The following PTGER4 variants were observed in gnomAD, a reference collection of about 807,000 sequenced individuals.
PTGER4 encodes the protein prostaglandin E2 receptor EP4 subtype.
Under a neutral mutation model 33.2 loss-of-function variants are expected in PTGER4, and 11 were observed. The observed-to-expected ratio is 0.33, with a 90% CI of 0.21 to 0.55. The LOEUF (loss-of-function observed/expected upper bound fraction) is 0.55, where lower values mean the gene tolerates loss of function less well. PTGER4 is among the 20% of genes least tolerant of loss of function. The pLI is 0.92. For synonymous variants in PTGER4, 275 were observed against 281.5 expected (o/e 0.98, Z 0.23); for missense variants, 481 against 650.2 (o/e 0.74, Z 2.83).
the PTGER4 span, chr5:40,716,433 G>A: frequency 1.2e-6 from 2 of 1,613,758 alleles, no homozygotes; most frequent in Non-Finnish European, 8.5e-7. Flanking sequence ...CCCAAGAGAG[G>A]TCTTCTTTCC....
the PTGER4 span, among the ~76,000 whole-genome samples, chr5:40,718,731 C>G: frequency 2.0e-5 from 3 of 151,046 alleles, no homozygotes; most frequent in South Asian, 6.3e-4. Context: ...GAGCAAGATT[C>G]CGTCTCGAAA....
downstream of PTGER4, among the ~76,000 whole-genome samples, chr5:40,697,256 AAGAAAG>A (rs1741629673): frequency 1.0e-5 from 1 of 98,386 alleles, no homozygotes; most frequent in Admixed American, 1.2e-4. Flanking sequence ...GAAAGAAAGA[AAGAAAG>A]AAAGAAAGAA....
the PTGER4 span, among the ~76,000 whole-genome samples, chr5:40,709,418 G>T: frequency 6.6e-6 from 1 of 152,146 alleles, no homozygotes; most frequent in South Asian, 2.1e-4. Flanking sequence ...AATCATGAGT[G>T]AACTCCCATT....
Position 40,692,457 on chromosome 5 carries a change from G to C in PTGER4, c.*79G>C. Reference sequence around the variant, plus strand: ...AATAGACACATACATGTCACATTTAGCTGTGCTCAGAAGGGCTATCATCAT... The same window carrying C: ...AATAGACACATACATGTCACATTTACCTGTGCTCAGAAGGGCTATCATCAT... On this transcript the variant is annotated 3_prime_UTR_variant, in exon 3 of 3. Transcript: ENST00000302472. 1 of 1,502,548 alleles carries C rather than the reference G, an allele frequency of 6.7e-7. No individual in the cohort carries two copies. The highest frequency in any genetic ancestry group is 8.8e-7 in the Non-Finnish European group (1 of 1,132,370). 93.1% of individuals were successfully genotyped at this position (1,502,548 alleles called of 1,614,324 possible).
At position 40,683,456 on chromosome 5, in the gene PTGER4, A is replaced by AGG. The variant is rs1741247318; in HGVS notation, c.867+1596_867+1597insGG. On this transcript the variant is annotated intron_variant, in intron 2 of 2. Transcript: ENST00000302472. This position sits in a 1 kb window ranked among gnomAD's most constrained non-coding sequence, Gnocchi z 4.2. ...TAATGGCAACCTAGAATAAAGTGAG[A>AGG]TTTTGGAAGAAACAACACTGCTCCT... Among the ~76,000 whole-genome samples, 1 of 152,208 alleles carries AGG rather than the reference A, an allele frequency of 6.6e-6. No homozygotes were observed. Among genetic ancestry groups the AGG allele is most frequent in the African/African-American group, 2.4e-5 (1 of 41,450 alleles).
the PTGER4 span, among the ~76,000 whole-genome samples, chr5:40,722,673 C>T: frequency 0.015 from 2,321 of 152,050 alleles, 65 homozygotes; most frequent in African/African-American, 0.053. Flanking sequence ...CGCCCCACAG[C>T]CGCCCAGTCT....
intron 2 of PTGER4, among the ~76,000 whole-genome samples, chr5:40,686,396 T>C (rs755041974): frequency 2.0e-5 from 3 of 152,212 alleles, no homozygotes; most frequent in Non-Finnish European, 4.4e-5. Context: ...CAAAGCTACC[T>C]CTAAGCTACA....
At chr5:40,724,971 T>G in the PTGER4 span, among the ~76,000 whole-genome samples, 1 of 151,196 alleles carries the variant, frequency 6.6e-6, no homozygotes, top group African/African-American at 2.4e-5. Flanking sequence ...TCCTGCCTCC[T>G]GAGTAGCTGG....
chr5:40,739,289 C>T, the PTGER4 span, among the ~76,000 whole-genome samples: 5 of 152,180 alleles, frequency 3.3e-5, no homozygotes, highest in African/African-American at 1.2e-4. Flanking sequence ...ATCTCAAACG[C>T]AAGCTTGCTG....
chr5:40,716,068 C>G, the PTGER4 span: 1 of 1,241,766 alleles, frequency 8.1e-7, no homozygotes, highest in African/African-American at 1.5e-5. Flanking sequence ...CTATCTATCT[C>G]CAGAGTAAAT....
chr5:40,706,467 C>A, the PTGER4 span, among the ~76,000 whole-genome samples: 1 of 151,890 alleles, frequency 6.6e-6, no homozygotes, highest in Non-Finnish European at 1.5e-5. Flanking sequence ...ACATGTACCC[C>A]AAACCTAAAA....
rs765195189 is a variant in PTGER4 at position 40,681,397 on chromosome 5, T to G, written c.404T>G (p.Leu135Trp). The change falls in exon 2 of 3, where the codon TTG becomes TGG. Residue 135 changes from leucine (L) to tryptophan (W), a missense_variant. By Grantham distance (61) the Leu-to-Trp change is moderately conservative (BLOSUM62 -2). Transcript: ENST00000302472. This position sits in a 1 kb window ranked among gnomAD's most constrained non-coding sequence, Gnocchi z 9.8. ...TACAGCCACTACGTGGACAAGCGAT[T>G]GGCGGGCCTCACGCTCTTTGCAGTC... ...YFYSHYVDKR[L>W]AGLTLFAVYA... 8 of 1,614,118 alleles carry G rather than the reference T, an allele frequency of 5.0e-6. No individual in the cohort carries two copies. Among genetic ancestry groups the G allele is most frequent in the Non-Finnish European group, 6.8e-6 (8 of 1,180,040 alleles).
At chr5:40,739,470 G>T in the PTGER4 span, among the ~76,000 whole-genome samples, 2 of 152,260 alleles carry the variant, frequency 1.3e-5, no homozygotes, top group African/African-American at 4.8e-5. Flanking sequence ...TCTGGTGGGA[G>T]GTGATTGGAT....
the PTGER4 span, among the ~76,000 whole-genome samples, chr5:40,711,325 C>A: frequency 1.3e-5 from 2 of 152,078 alleles, no homozygotes; most frequent in East Asian, 1.9e-4. Context: ...ATTAAAACCA[C>A]AATGAAATAC....
chr5:40,691,862 T>C lies in PTGER4; in HGVS notation c.951T>C (p.Ile317=). The change falls in exon 3 of 3, where the codon ATT becomes ATC. Residue 317 remains isoleucine, a synonymous_variant. Coordinates refer to ENST00000302472, the MANE Select transcript of PTGER4 (RefSeq NM_000958.3). This position sits in a 1 kb window ranked among gnomAD's most constrained non-coding sequence, Gnocchi z 4.2. ...ATCCAGATTTGCAGGCCATCCGAAT[T>C]GCTTCTGTGAACCCCATCCTAGACC... ...SKNPDLQAIR[I]ASVNPILDPW... The C allele has an allele frequency of 6.2e-7, 1 of 1,614,234 alleles. No individual in the cohort carries two copies. The highest frequency in any genetic ancestry group is 2.2e-5 in the East Asian group (1 of 44,882).
chr5:40,687,216 T>G (rs1231959148), intron 2 of PTGER4, among the ~76,000 whole-genome samples: 1 of 151,932 alleles, frequency 6.6e-6, no homozygotes, highest in Non-Finnish European at 1.5e-5. Flanking sequence ...CGGCTAATTT[T>G]GTATTTTTGG....
chr5:40,711,085 G>GTATATATATATA, the PTGER4 span, among the ~76,000 whole-genome samples: 557 of 150,314 alleles, frequency 3.7e-3, 3 homozygotes, highest in African/African-American at 0.013. Context: ...ATAAAAATAT[G>GTATATATATATA]TATATATATA....
chr5:40,739,330 A>C, the PTGER4 span, among the ~76,000 whole-genome samples: 1 of 152,234 alleles, frequency 6.6e-6, no homozygotes, highest in Non-Finnish European at 1.5e-5. Context: ...CTGAGTTTAC[A>C]GATCAATTTC....
chr5:40,682,449 G>A (rs1255975862), intron 2 of PTGER4, among the ~76,000 whole-genome samples: 1 of 152,044 alleles, frequency 6.6e-6, no homozygotes, highest in Non-Finnish European at 1.5e-5. Context: ...TGAATGATAC[G>A]CTTAAAATAA....
Sources: allele counts gnomAD v4.1 joint callset (sites outside exome capture counted in the v4.1 genomes callset), GRCh38; gene constraint gnomAD v4.1.1; non-coding constraint Gnocchi (gnomAD v3.1); transcripts MANE v1.5; gene names NCBI Gene and HGNC (gene_info 2026-07-23, HGNC 2026-07-21).